The following FAM181A variants were observed in gnomAD, a reference collection of about 807,000 sequenced individuals.
The protein encoded by FAM181A is protein FAM181A.
Under a neutral mutation model 16.3 loss-of-function variants are expected in FAM181A, and 7 were observed. That is an observed-to-expected ratio of 0.43 (90% CI 0.24 to 0.81). The LOEUF (loss-of-function observed/expected upper bound fraction) is 0.81. FAM181A is among the 30% of genes least tolerant of loss of function. The pLI, the probability that FAM181A is intolerant of heterozygous loss-of-function variation, is 0.24. For missense variants in FAM181A, 349 were observed against 377.5 expected (o/e 0.92, Z 0.63); for synonymous variants, 183 against 164.9 (o/e 1.11, Z -0.84).
At chr14:93,920,250 C>T (rs1887673559) in intron 1 of FAM181A, among the ~76,000 whole-genome samples, 1 of 152,014 alleles carries the variant, frequency 6.6e-6, no homozygotes, top group African/African-American at 2.4e-5. Context: ...CTCCTCTCTA[C>T]AAAAAATTTT....
rs1888062246 is a variant in FAM181A, at chr14:93,929,230, T to C, written c.*66T>C. The C allele has an allele frequency of 6.7e-7, 1 of 1,490,218 alleles. No homozygotes were observed. The highest frequency in any genetic ancestry group is 2.3e-5 in the Admixed American group (1 of 43,796). 92.3% of individuals were successfully genotyped at this position (1,490,218 alleles called of 1,614,324 possible). ...GAGTGTCGAGGTCCCCGAGGCGCTC[T>C]CCTGTGAGGAGGTGGCTGGGCCACA... On this transcript the variant is annotated 3_prime_UTR_variant, in exon 2 of 2. Coordinates refer to ENST00000556222, the MANE Select transcript of FAM181A (RefSeq NM_001207073.2).
At position 93,928,538 on chromosome 14, in the gene FAM181A, CCT is replaced by C; in HGVS notation, c.254_255del (p.Pro85ArgfsTer26). 1 of 1,612,262 alleles carries C rather than the reference CCT, an allele frequency of 6.2e-7. No individual in the cohort carries two copies. The highest frequency in any genetic ancestry group is 8.5e-7 in the Non-Finnish European group (1 of 1,178,798). On this transcript the variant is annotated frameshift_variant, in exon 2 of 2. Transcript: ENST00000556222. LOFTEE classifies it high-confidence loss of function. Reference protein sequence around the residue: ...RPRRLLLDLGPDSSPGGGGGC... With the variant: ...RPRRLLLDLGXDSSPGGGGGC... ...CAGGAGGCTGCTCCTGGATTTGGGC[CCT>C]GATTCCAGCCCCGGCGGGGGTGGGG...
At chr14:93,925,396 G>A (rs1887866215), upstream of FAM181A, 1 of 1,603,658 alleles carries the variant, frequency 6.2e-7, no homozygotes, top group Non-Finnish European at 8.5e-7. Context: ...GATGCCAGCT[G>A]CTGGAGAGGT....
intron 1 of FAM181A, among the ~76,000 whole-genome samples, chr14:93,919,203 A>G (rs1185999154): frequency 6.6e-6 from 1 of 152,166 alleles, no homozygotes; most frequent in Non-Finnish European, 1.5e-5. Flanking sequence ...ATGAACCAGG[A>G]GATTGATGTG....
upstream of FAM181A, chr14:93,925,256 G>A (rs771087454): frequency 5.6e-6 from 9 of 1,612,350 alleles, no homozygotes; most frequent in Non-Finnish European, 6.8e-6. Context: ...GAGCTGAGTG[G>A]CTCTAAAATG....
At chr14:93,919,283 C>T (rs1302190077) in intron 1 of FAM181A, among the ~76,000 whole-genome samples, 1 of 152,188 alleles carries the variant, frequency 6.6e-6, no homozygotes, top group African/African-American at 2.4e-5. Flanking sequence ...CCCTTAGCTA[C>T]ACTTCAAGGG....
rs77045100 is a variant in FAM181A, at chr14:93,928,715, A to C, written c.430A>C (p.Arg144=). ...QLPASFWEEP[R]PTHSYHVGLE... ...GCCCGCTTCCTTCTGGGAAGAGCCA[A>C]GGCCCACCCACAGCTACCATGTGGG... is the stretch of plus-strand genomic sequence containing the variant. The change falls in exon 2 of 2, where the codon AGG becomes CGG. Residue 144 remains arginine, a synonymous_variant. Transcript: ENST00000556222. 13,234 of 1,613,968 alleles carry C rather than the reference A, an allele frequency of 8.2e-3. 73 individuals are homozygous for C. The highest frequency in any genetic ancestry group is 9.5e-3 in the Non-Finnish European group (11,262 of 1,179,964).
Position 93,927,431 on chromosome 14 carries a change from G to A in FAM181A, c.-111G>A. The stretch of plus-strand genomic sequence containing the variant: ...AGTGGGGAACCTGCCGGGCCACGTT[G>A]GTGGGGCCTGGGCCGCACCTTCGGT... On this transcript the variant is annotated 5_prime_UTR_variant, in exon 1 of 2. Transcript: ENST00000556222. 8.5e-7 allele frequency: 1 copy of A among 1,179,878 alleles called. No individual in the cohort carries two copies. Among genetic ancestry groups the A allele is most frequent in the African/African-American group, 1.6e-5 (1 of 62,112 alleles). 73.1% of individuals were successfully genotyped at this position (1,179,878 alleles called of 1,614,324 possible). A position where few individuals can be genotyped will look rare whatever the true frequency, so the allele number is the denominator to read the frequency against.
chr14:93,919,004 G>C (rs1250694543), intron 1 of FAM181A: 2 of 152,346 alleles, frequency 1.3e-5, no homozygotes, highest in Non-Finnish European at 2.9e-5. Context: ...GGTGATGGGT[G>C]TGTGGGGGTG....
chr14:93,924,079 T>A (rs900129270), upstream of FAM181A: 1 of 152,128 alleles, frequency 6.6e-6, no homozygotes, highest in Non-Finnish European at 1.5e-5. Context: ...ACAGGAAAAA[T>A]CCTGCTCATT....
chr14:93,928,436 A>G lies in FAM181A; in HGVS notation c.151A>G (p.Lys51Glu). The change falls in exon 2 of 2, where the codon AAG (lysine) becomes GAG (glutamate). Residue 51 changes from lysine (K) to glutamate (E), a missense_variant. Physicochemically the swap from Lys to Glu is moderately conservative, Grantham distance 56. Transcript: ENST00000556222. ...GAAGCAGCTCAAGCGCTTCTCCCAG[A>G]AGTATTCCCGGCTCCCGCGGGGCCT... ...LQKQLKRFSQ[K>E]YSRLPRGLPG... is the part of the protein sequence containing the mutation. 3 of 1,612,914 alleles carry G rather than the reference A, an allele frequency of 1.9e-6. No homozygotes were observed. Among genetic ancestry groups the G allele is most frequent in the Non-Finnish European group, 2.5e-6 (3 of 1,179,176 alleles).
upstream of FAM181A, among the ~76,000 whole-genome samples, chr14:93,922,911 T>C (rs1887779115): frequency 6.6e-6 from 1 of 152,228 alleles, no homozygotes; most frequent in African/African-American, 2.4e-5. Flanking sequence ...AGGTATGCAT[T>C]TGAGCATGGA....
Position 93,927,439 on chromosome 14 carries a change from C to T in FAM181A, c.-103C>T. On this transcript the variant is annotated 5_prime_UTR_variant, in exon 1 of 2. Transcript: ENST00000556222. ...ACCTGCCGGGCCACGTTGGTGGGGC[C>T]TGGGCCGCACCTTCGGTCAGTGTGG... The T allele has an allele frequency of 8.2e-7, 1 of 1,216,802 alleles. No homozygotes were observed. Among genetic ancestry groups the T allele is most frequent in the Non-Finnish European group, 1.1e-6 (1 of 948,068 alleles). The allele number at this position is 1,216,802 out of a possible 1,614,324, so 75.4% of individuals were successfully genotyped here.
chr14:93,927,960 T>C (rs1334751200), intron 1 of FAM181A, among the ~76,000 whole-genome samples: 1 of 152,072 alleles, frequency 6.6e-6, no homozygotes, highest in Non-Finnish European at 1.5e-5. Flanking sequence ...TTCTGAGCCT[T>C]GGCTGCAAGA....
upstream of FAM181A, chr14:93,927,031 AAC>A (rs375272025): frequency 1.6e-4 from 15 of 94,930 alleles, no homozygotes; most frequent in East Asian, 1.9e-3. Flanking sequence ...GGACATTTTA[AAC>A]ACACACACAC....
In FAM181A at chr14:93,928,968, T is replaced by C; in HGVS notation, c.683T>C (p.Leu228Pro). ...GGACAGCCCATCTATCCGGGCCCCCTGGGGGCACTGCCTCAGAGTCCTGTC... is the reference window on the plus strand; with the variant it reads ...GGACAGCCCATCTATCCGGGCCCCCCGGGGGCACTGCCTCAGAGTCCTGTC... Reference protein sequence around the residue: ...YHGQPIYPGPLGALPQSPVPS... With the variant: ...YHGQPIYPGPPGALPQSPVPS... Residue 228 changes from leucine to proline, a missense_variant, in exon 2 of 2, where the codon CTG (leucine) becomes CCG (proline). Leu to Pro is a moderately conservative substitution (Grantham distance 98, BLOSUM62 -3). Coordinates refer to ENST00000556222, the MANE Select transcript of FAM181A (RefSeq NM_001207073.2). The C allele has an allele frequency of 6.2e-7, 1 of 1,613,780 alleles. No individual in the cohort carries two copies. Among genetic ancestry groups the C allele is most frequent in the East Asian group, 2.2e-5 (1 of 44,866 alleles).
At chr14:93,920,294 T>C (rs1887675489) in intron 1 of FAM181A, among the ~76,000 whole-genome samples, 1 of 152,218 alleles carries the variant, frequency 6.6e-6, no homozygotes, top group South Asian at 2.1e-4. Flanking sequence ...CGTGAACCTG[T>C]AGTCTCAGCT....
chr14:93,921,955 T>G (rs1402086707), intron 1 of FAM181A: 2 of 152,210 alleles, frequency 1.3e-5, no homozygotes, highest in Non-Finnish European at 2.9e-5. Context: ...TGACAATATA[T>G]GACACATATT....
intron 1 of FAM181A, among the ~76,000 whole-genome samples, chr14:93,927,885 G>T (rs1464537247): frequency 6.6e-6 from 1 of 152,152 alleles, no homozygotes; most frequent in Non-Finnish European, 1.5e-5. Context: ...GGGCAGGCTG[G>T]GAGTGTGTGC....
Sources: allele counts gnomAD v4.1 joint callset (sites outside exome capture counted in the v4.1 genomes callset), GRCh38; gene constraint gnomAD v4.1.1; transcripts MANE v1.5; gene names NCBI Gene and HGNC (gene_info 2026-07-23, HGNC 2026-07-21).